Variants in UMAD1 observed in about 807,000 individuals in gnomAD.
The protein encoded by UMAD1 is UBAP1-MVB12-associated (UMA) domain containing 1.
A neutral mutation model predicts 6.1 loss-of-function variants in UMAD1; 8 were observed. That is an observed-to-expected ratio of 1.30 (90% CI 0.76 to 2.35). The LOEUF (loss-of-function observed/expected upper bound fraction) is 2.35. Among genes scored for constraint, UMAD1 ranks in the 30% most tolerant of loss-of-function variants. The probability of loss-of-function intolerance (pLI) is 0.00; values close to 1 mark genes in which losing one functional copy is unlikely to be tolerated. For synonymous variants in UMAD1, 56 were observed against 31.4 expected, an observed-to-expected ratio of 1.78 and a Z score of -2.61; for missense variants, 130 against 78.4, an observed-to-expected ratio of 1.66 and a Z score of -2.49.
chr7:7,642,775 T>G (rs1785003934), intron 1 of UMAD1, among the ~76,000 whole-genome samples: 1 of 152,128 alleles, frequency 6.6e-6, no homozygotes, highest in African/African-American at 2.4e-5. Flanking sequence ...TTTTACCAGT[T>G]TGCACTTCCC....
intron 2 of UMAD1, among the ~76,000 whole-genome samples, chr7:7,739,935 C>T (rs7349981): frequency 0.057 from 8,640 of 152,296 alleles, 264 homozygotes; most frequent in Middle Eastern, 0.13. Flanking sequence ...AAATCTGAGT[C>T]AGCATCCTTG....
intron 3 of UMAD1, among the ~76,000 whole-genome samples, chr7:7,823,282 T>C: frequency 6.6e-6 from 1 of 152,180 alleles, no homozygotes; most frequent in Non-Finnish European, 1.5e-5. Flanking sequence ...CCCTTAACTA[T>C]GATTGCCAGA....
chr7:7,748,295 G>C (rs1057000409), intron 2 of UMAD1, among the ~76,000 whole-genome samples: 1 of 151,904 alleles, frequency 6.6e-6, no homozygotes, highest in South Asian at 2.1e-4. Flanking sequence ...TTTTTGTTAT[G>C]TAATTGTTTA....
In UMAD1 at chr7:7,743,497, AT is replaced by A. The variant is rs541859772; in HGVS notation, c.83-58166del. On this transcript the variant is annotated intron_variant, in intron 2 of 3. Coordinates refer to ENST00000682710, the MANE Select transcript of UMAD1 (RefSeq NM_001302348.2). ...AAAGATGTTTTGATATCTTTTACAG[AT>A]TTTTTTAACTGATTGATTTATTTCA... Among the ~76,000 whole-genome samples, 871 of 152,150 alleles carry A rather than the reference AT, an allele frequency of 5.7e-3. 13 individuals carry two copies. The highest frequency in any genetic ancestry group is 0.02 in the African/African-American group (828 of 41,552).
intron 3 of UMAD1, among the ~76,000 whole-genome samples, chr7:7,844,671 G>A (rs1325745005): frequency 1.3e-5 from 2 of 152,072 alleles, no homozygotes; most frequent in Non-Finnish European, 2.9e-5. Context: ...AAGAAATAAA[G>A]TTAGACTCTA....
intron 3 of UMAD1, among the ~76,000 whole-genome samples, chr7:7,809,758 A>T (rs998968079): frequency 6.6e-6 from 1 of 152,036 alleles, no homozygotes; most frequent in Non-Finnish European, 1.5e-5. Flanking sequence ...TGAGATGCAC[A>T]TTTTAATAAA....
chr7:7,867,495 G>A (rs1343536917), intron 3 of UMAD1, among the ~76,000 whole-genome samples: 1 of 152,192 alleles, frequency 6.6e-6, no homozygotes, highest in Non-Finnish European at 1.5e-5. Flanking sequence ...ACTAACAAGT[G>A]TACCGAAGCC....
At chr7:7,804,224 G>T (rs1435183263) in intron 3 of UMAD1, among the ~76,000 whole-genome samples, 3 of 152,178 alleles carry the variant, frequency 2.0e-5, no homozygotes, top group Non-Finnish European at 4.4e-5. Context: ...TGGAGTGGGA[G>T]ACTATAAATG....
At chr7:7,674,011 G>A (rs1779677589) in intron 2 of UMAD1, among the ~76,000 whole-genome samples, 2 of 152,140 alleles carry the variant, frequency 1.3e-5, no homozygotes, top group African/African-American at 4.8e-5. Flanking sequence ...GTTCTGAAAA[G>A]TAAAATTTCC....
At position 7,864,602 on chromosome 7, in the gene UMAD1, T is replaced by TACACACACAC. The variant is rs59036228; in HGVS notation, c.157-12639_157-12630dup. On this transcript the variant is annotated intron_variant, in intron 3 of 3. Coordinates refer to ENST00000682710, the MANE Select transcript of UMAD1 (RefSeq NM_001302348.2). ...CTAGACATGAGGAGAACATGAAAAC[T>TACACACACAC]ACACACACACACACACACACACACA... 1.9e-4 allele frequency among the ~76,000 whole-genome samples: 27 copies of TACACACACAC among 140,248 alleles called. No homozygotes were observed. In the East Asian group the frequency reaches 1.9e-3, roughly 10 times the overall value. 92.0% of individuals were successfully genotyped at this position (140,248 alleles called of 152,430 possible).
At chr7:7,824,984 A>T (rs1424391732) in intron 3 of UMAD1, among the ~76,000 whole-genome samples, 1 of 152,136 alleles carries the variant, frequency 6.6e-6, no homozygotes, top group Non-Finnish European at 1.5e-5. Context: ...AAGTAGGCCC[A>T]TATAGAGGGG....
intron 2 of UMAD1, among the ~76,000 whole-genome samples, chr7:7,684,456 C>G (rs776542700): frequency 1.3e-5 from 2 of 152,046 alleles, no homozygotes; most frequent in African/African-American, 4.8e-5. Context: ...TGATCCACCC[C>G]TTTCGGCCTC....
At chr7:7,690,477 T>C (rs1365653982) in intron 2 of UMAD1, among the ~76,000 whole-genome samples, 2 of 152,094 alleles carry the variant, frequency 1.3e-5, no homozygotes, top group Non-Finnish European at 2.9e-5. Context: ...ATGAAAAATA[T>C]TGTATTAATC....
intron 2 of UMAD1, among the ~76,000 whole-genome samples, chr7:7,727,362 T>C (rs958754371): frequency 6.6e-6 from 1 of 152,190 alleles, no homozygotes; most frequent in Non-Finnish European, 1.5e-5. Context: ...GGGTTGGGGA[T>C]TGGTGTGTTT....
intron 2 of UMAD1, among the ~76,000 whole-genome samples, chr7:7,749,903 A>G (rs1232944435): frequency 1.3e-5 from 2 of 152,168 alleles, no homozygotes; most frequent in Non-Finnish European, 2.9e-5. Context: ...TCACATTTGC[A>G]TTCATAAATA....
At chr7:7,745,440 A>T (rs1052281573) in intron 2 of UMAD1, among the ~76,000 whole-genome samples, 2 of 152,100 alleles carry the variant, frequency 1.3e-5, no homozygotes, top group African/African-American at 4.8e-5. Context: ...AAGCTGAGAA[A>T]GGCCTCTGTG....
intron 2 of UMAD1, among the ~76,000 whole-genome samples, chr7:7,676,979 CAG>C (rs1779757579): frequency 6.6e-6 from 1 of 152,118 alleles, no homozygotes; most frequent in African/African-American, 2.4e-5. Context: ...ACTTTAGTCT[CAG>C]AGCATACTGT....
chr7:7,668,110 C>T (rs115148074), intron 1 of UMAD1, among the ~76,000 whole-genome samples: 2,796 of 151,816 alleles, frequency 0.018, 87 homozygotes, highest in African/African-American at 0.064. Flanking sequence ...GACACGATTT[C>T]GTCATGTTGC....
At chr7:7,697,820 C>T (rs564276000) in intron 2 of UMAD1, among the ~76,000 whole-genome samples, 4 of 152,146 alleles carry the variant, frequency 2.6e-5, no homozygotes, top group Non-Finnish European at 5.9e-5. Flanking sequence ...GGGTATCCAT[C>T]TTCCAATTTG....
Sources: gnomAD v4.1 joint callset for allele counts (sites outside exome capture counted in the v4.1 genomes callset) on GRCh38, gnomAD v4.1.1 for gene constraint, MANE v1.5 for transcripts, NCBI Gene and HGNC (gene_info 2026-07-23, HGNC 2026-07-21) for gene names.